AKAIN1: variants seen among roughly 807,000 people sequenced by gnomAD.
AKAIN1 encodes A-kinase anchor inhibitor 1, also known as A-kinase anchor protein inhibitor 1.
A neutral mutation model predicts 3.7 loss-of-function variants in AKAIN1; 3 were observed. That is an observed-to-expected ratio of 0.82 (90% CI 0.37 to 2.12). The LOEUF is 2.12. AKAIN1 is among the 30% of genes most tolerant of loss of function. The pLI is 0.06. For missense variants in AKAIN1, 82 were observed against 82.7 expected (o/e 0.99, Z 0.03); for synonymous variants, 31 against 30.8 (o/e 1.01, Z -0.02).
intron 1 of AKAIN1, among the ~76,000 whole-genome samples, chr18:5,182,383 A>G (rs933078615): frequency 3.3e-5 from 5 of 152,094 alleles, no homozygotes; most frequent in Non-Finnish European, 7.4e-5. Flanking sequence ...CATTTAGCCG[A>G]CCGTGGGCTA....
intron 1 of AKAIN1, among the ~76,000 whole-genome samples, chr18:5,186,417 C>T (rs930733704): frequency 6.6e-6 from 1 of 151,846 alleles, no homozygotes; most frequent in Non-Finnish European, 1.5e-5. Flanking sequence ...GTCTAAATAA[C>T]ATTCAGAATG....
chr18:5,145,874 G>A, intron 1 of AKAIN1, 119 bp from the exon 2 acceptor site: 2 of 819,844 alleles, frequency 2.4e-6, no homozygotes, highest in South Asian at 1.8e-5. Context: ...ACACTGGAGT[G>A]GACCAGTTAA....
chr18:5,162,432 G>A (rs1025237254), intron 1 of AKAIN1, among the ~76,000 whole-genome samples: 8 of 152,038 alleles, frequency 5.3e-5, no homozygotes, highest in Non-Finnish European at 1.0e-4. Context: ...TAGGGATATT[G>A]ATTGAGAAAA....
chr18:5,177,258 A>C (rs28394252), intron 1 of AKAIN1, among the ~76,000 whole-genome samples: 22,854 of 152,140 alleles, frequency 0.15, 3,081 homozygotes, highest in African/African-American at 0.37. Flanking sequence ...TCATTATTGC[A>C]ACCCTATATG....
At position 5,192,384 on chromosome 18, in the gene AKAIN1, A is replaced by ATTTTCTTTCTTTCTTTCTTTCTTTCT. The variant is rs1567880934; in HGVS notation, c.16+4628_16+4653dup. Among the ~76,000 whole-genome samples the ATTTTCTTTCTTTCTTTCTTTCTTTCT allele has an allele frequency of 3.2e-4, 31 of 97,828 alleles. No homozygotes were observed. In the South Asian group the frequency reaches 3.5e-3, roughly 11 times the overall value. 64.2% of individuals were successfully genotyped at this position (97,828 alleles called of 152,430 possible). On this transcript the variant is annotated intron_variant, in intron 1 of 1. Coordinates refer to ENST00000434239, the MANE Select transcript of AKAIN1 (RefSeq NM_001145194.2). Reference sequence around the variant, plus strand: ...AGGCATGTGCAACCACACAGAGCTAATTTTCTTTCTTTCTTTCTTTCTTTC... The same window carrying ATTTTCTTTCTTTCTTTCTTTCTTTCT: ...AGGCATGTGCAACCACACAGAGCTAATTTTCTTTCTTTCTTTCTTTCTTTCTTTTTCTTTCTTTCTTTCTTTCTTTC...
Position 5,192,684 on chromosome 18 carries a change from G to A in AKAIN1, c.16+4354C>T, listed in dbSNP as rs929905318. 3.9e-5 allele frequency among the ~76,000 whole-genome samples: 6 copies of A among 152,118 alleles called. No individual in the cohort carries two copies. In the South Asian group the frequency reaches 1.2e-3, roughly 32 times the overall value. ...ATTCTATCTACGGTATGGGGTTGAA[G>A]CACTCCCAGTGGTCTAAAACTTGGT... On this transcript the variant is annotated intron_variant, in intron 1 of 1. Coordinates refer to ENST00000434239, the MANE Select transcript of AKAIN1 (RefSeq NM_001145194.2).
intron 1 of AKAIN1, among the ~76,000 whole-genome samples, chr18:5,181,028 C>G (rs1396669448): frequency 1.3e-5 from 2 of 151,846 alleles, no homozygotes; most frequent in African/African-American, 2.4e-5. Context: ...TGGCTCATGC[C>G]TATAATAGCA....
At chr18:5,183,293 T>C (rs987401554) in intron 1 of AKAIN1, among the ~76,000 whole-genome samples, 1 of 151,990 alleles carries the variant, frequency 6.6e-6, no homozygotes, top group Non-Finnish European at 1.5e-5. Context: ...GTTACAAAAA[T>C]AGAAAGATAT....
chr18:5,152,427 A>G (rs543756445), intron 1 of AKAIN1, among the ~76,000 whole-genome samples: 32 of 152,152 alleles, frequency 2.1e-4, no homozygotes, highest in Middle Eastern at 3.4e-3. Flanking sequence ...ACTATCTCCA[A>G]ACACTTCAGC....
At chr18:5,195,906 T>C (rs1467290247) in intron 1 of AKAIN1, among the ~76,000 whole-genome samples, 1 of 152,118 alleles carries the variant, frequency 6.6e-6, no homozygotes, top group Non-Finnish European at 1.5e-5. Context: ...AGCCAGAGCC[T>C]ACAGAAACTC....
At chr18:5,171,790 A>C (rs1023482534) in intron 1 of AKAIN1, among the ~76,000 whole-genome samples, 3 of 152,162 alleles carry the variant, frequency 2.0e-5, no homozygotes, top group African/African-American at 7.2e-5. Context: ...GAGGTTCCTC[A>C]AAAAACTAAA....
At chr18:5,195,637 G>C (rs1340211653) in intron 1 of AKAIN1, among the ~76,000 whole-genome samples, 1 of 152,280 alleles carries the variant, frequency 6.6e-6, no homozygotes, top group Non-Finnish European at 1.5e-5. Context: ...CCTGGGGATG[G>C]TAGAGTAGGA....
intron 1 of AKAIN1, among the ~76,000 whole-genome samples, chr18:5,170,039 C>T (rs2071188932): frequency 6.6e-6 from 1 of 152,090 alleles, no homozygotes; most frequent in Non-Finnish European, 1.5e-5. Flanking sequence ...ATTACTAATT[C>T]ACACATTTGG....
rs1280605861 is a variant in AKAIN1 at position 5,143,226 on chromosome 18, A to T, written c.*2336T>A. On this transcript the variant is annotated 3_prime_UTR_variant, in exon 2 of 2. Coordinates refer to ENST00000434239, the MANE Select transcript of AKAIN1 (RefSeq NM_001145194.2). ...ATCTAGTAACTTTTTCTTCATACTG[A>T]AAGATCTGTAAAAGTTTATAGGTCT... 2.0e-5 allele frequency among the ~76,000 whole-genome samples: 3 copies of T among 152,196 alleles called. No individual in the cohort carries two copies. In the East Asian group the frequency reaches 5.8e-4, roughly 29 times the overall value.
intron 1 of AKAIN1, among the ~76,000 whole-genome samples, chr18:5,149,024 A>C (rs1422192528): frequency 6.6e-6 from 1 of 152,214 alleles, no homozygotes; most frequent in Non-Finnish European, 1.5e-5. Context: ...TGCGAAACCC[A>C]GGTTGCTCTG....
intron 1 of AKAIN1, among the ~76,000 whole-genome samples, chr18:5,162,278 G>A (rs940965861): frequency 1.3e-5 from 2 of 152,078 alleles, no homozygotes; most frequent in Non-Finnish European, 2.9e-5. Flanking sequence ...TAAGGATTCT[G>A]AGCAAGCTAG....
At position 5,182,238 on chromosome 18, in the gene AKAIN1, T is replaced by C. The variant is rs1155029; in HGVS notation, c.16+14800A>G. 3.2e-3 allele frequency among the ~76,000 whole-genome samples: 494 copies of C among 152,248 alleles called. 3 individuals carry two copies. Among genetic ancestry groups the C allele is most frequent in the African/African-American group, 0.011 (472 of 41,568 alleles). On this transcript the variant is annotated intron_variant, in intron 1 of 1. Transcript: ENST00000434239. Reference sequence around the variant, plus strand: ...CATAGTGATCCAGTAAGTTGGGTCTTTTTCCACAGAAAGAATCAACTCTTT... The same window carrying C: ...CATAGTGATCCAGTAAGTTGGGTCTCTTTCCACAGAAAGAATCAACTCTTT...
chr18:5,197,323 C>A, upstream of AKAIN1: 1 of 1,320,788 alleles, frequency 7.6e-7, no homozygotes, highest in Non-Finnish European at 9.7e-7. The surrounding 1 kb of genome is among the most constrained non-coding windows in gnomAD (Gnocchi z 6.9). Flanking sequence ...ATTCCTGTGC[C>A]AGCTCGGCGA....
intron 1 of AKAIN1, among the ~76,000 whole-genome samples, chr18:5,185,325 A>C (rs8182377): frequency 0.28 from 42,882 of 152,042 alleles, 6,231 homozygotes; most frequent in Non-Finnish European, 0.3. Context: ...CAATTGCGAC[A>C]AAAACAAAAA....
Sources: gnomAD v4.1 joint callset for allele counts (sites outside exome capture counted in the v4.1 genomes callset) on GRCh38, gnomAD v4.1.1 for gene constraint, Gnocchi (gnomAD v3.1) non-coding constraint, MANE v1.5 for transcripts, NCBI Gene and HGNC (gene_info 2026-07-23, HGNC 2026-07-21) for gene names.